ANO3: variants seen among roughly 807,000 people sequenced by gnomAD.
The protein encoded by ANO3 is anoctamin 3, also known as anoctamin-3.
In ANO3, 99 loss-of-function variants were observed where a neutral mutation model predicts 144.8. That is an observed-to-expected ratio of 0.68 (90% CI 0.58 to 0.81). The LOEUF (loss-of-function observed/expected upper bound fraction) is 0.81. ANO3 is among the 30% of genes least tolerant of loss of function. ANO3 has a pLI of 0.00. For missense variants in ANO3, 905 were observed against 1,202.2 expected (o/e 0.75, Z 3.66); for synonymous variants, 414 against 392.6 (o/e 1.05, Z -0.64).
At chr11:26,259,506 G>A (rs1853135060) in intron 1 of ANO3, among the ~76,000 whole-genome samples, 1 of 149,716 alleles carries the variant, frequency 6.7e-6, no homozygotes, top group Non-Finnish European at 1.5e-5. Context: ...AAATTAGCCT[G>A]GCATGGTGGT....
chr11:26,270,615 G>T (rs1213756761), intron 1 of ANO3, among the ~76,000 whole-genome samples: 3 of 152,086 alleles, frequency 2.0e-5, no homozygotes, highest in African/African-American at 7.2e-5. Context: ...CAGAAATTAG[G>T]TCTTTTAGAA....
At chr11:26,603,243 T>C (rs1046626799) in intron 17 of ANO3, among the ~76,000 whole-genome samples, 1 of 152,076 alleles carries the variant, frequency 6.6e-6, no homozygotes, top group African/African-American at 2.4e-5. Context: ...TAGATCAAAA[T>C]ATTTTCTAGA....
upstream of ANO3, chr11:26,331,941 T>A: frequency 2.2e-6 from 1 of 449,934 alleles, no homozygotes; most frequent in Non-Finnish European, 4.0e-6. Context: ...TTGCTCCGAT[T>A]TATATCTCCT....
intron 1 of ANO3, among the ~76,000 whole-genome samples, chr11:26,235,002 A>G (rs755633561): frequency 2.9e-5 from 4 of 140,158 alleles, no homozygotes; most frequent in Non-Finnish European, 3.1e-5. Context: ...AGAGAAAAGA[A>G]AGAGAGAGAG....
chr11:26,580,673 T>G (rs2132856226), intron 14 of ANO3, among the ~76,000 whole-genome samples: 1 of 152,300 alleles, frequency 6.6e-6, no homozygotes, highest in Middle Eastern at 3.4e-3. Context: ...TCAGACATAT[T>G]TAACTACACT....
chr11:26,277,718 T>C (rs1031467382), intron 1 of ANO3, among the ~76,000 whole-genome samples: 3 of 151,948 alleles, frequency 2.0e-5, no homozygotes, highest in African/African-American at 7.2e-5. Context: ...TAGATAATAA[T>C]TTTTTCTTGG....
intron 1 of ANO3, among the ~76,000 whole-genome samples, chr11:26,424,264 CACAT>C (rs542805409): frequency 0.12 from 17,634 of 149,300 alleles, 2,118 homozygotes; most frequent in African/African-American, 0.31. Context: ...CACACACACA[CACAT>C]ACACATAAAC....
chr11:26,510,426 GA>G (rs1047191279), intron 5 of ANO3, among the ~76,000 whole-genome samples: 1 of 151,018 alleles, frequency 6.6e-6, no homozygotes, highest in South Asian at 2.1e-4. Context: ...AGTACTTATT[GA>G]AAAAAAAATC....
intron 14 of ANO3, among the ~76,000 whole-genome samples, chr11:26,574,607 T>A (rs1393613628): frequency 6.6e-6 from 1 of 152,154 alleles, no homozygotes; most frequent in Non-Finnish European, 1.5e-5. Context: ...ATGATATTCT[T>A]TATAAATAAA....
At chr11:26,438,616 A>G (rs561667194) in intron 1 of ANO3, among the ~76,000 whole-genome samples, 1 of 148,626 alleles carries the variant, frequency 6.7e-6, no homozygotes, top group Non-Finnish European at 1.5e-5. Flanking sequence ...AAAGAAAAAA[A>G]AAAAAAAAGA....
chr11:26,273,492 T>C (rs1476137253), intron 1 of ANO3, among the ~76,000 whole-genome samples: 1 of 152,116 alleles, frequency 6.6e-6, no homozygotes, highest in East Asian at 1.9e-4. Flanking sequence ...GTCATTGTTG[T>C]TACAGGACAA....
intron 4 of ANO3, among the ~76,000 whole-genome samples, chr11:26,501,712 AC>A (rs1861202369): frequency 6.6e-6 from 1 of 152,144 alleles, no homozygotes; most frequent in East Asian, 1.9e-4. Flanking sequence ...CAGAACTATG[AC>A]CTCTTCTGAA....
intron 4 of ANO3, among the ~76,000 whole-genome samples, chr11:26,499,276 A>C (rs1861091586): frequency 1.3e-5 from 2 of 151,818 alleles, no homozygotes; most frequent in African/African-American, 2.4e-5. Context: ...TTTTAAATTT[A>C]CAAAGCTTTT....
intron 1 of ANO3, among the ~76,000 whole-genome samples, chr11:26,273,553 G>A (rs1853492935): frequency 6.6e-6 from 1 of 151,720 alleles, no homozygotes; most frequent in African/African-American, 2.4e-5. Flanking sequence ...AAAGAAAACT[G>A]AGCATGGATG....
Position 26,258,546 on chromosome 11 carries a change from AG to A in ANO3, c.155-51098del, listed in dbSNP as rs758564689. On this transcript the variant is annotated intron_variant, in intron 1 of 27. Transcript: ENST00000672621. ...CTCTGTATGTCTTGAAGTGCCTCAT[AG>A]TTGAATTAATTACTGTCACAACTGC... is the stretch of plus-strand genomic sequence containing the variant. Among the ~76,000 whole-genome samples the A allele has an allele frequency of 2.9e-3, 435 of 152,292 alleles. 4 individuals are homozygous for A. Among genetic ancestry groups the A allele is most frequent in the Non-Finnish European group, 2.5e-3 (170 of 67,992 alleles).
At chr11:26,333,303 G>C (rs1458361033) in intron 1 of ANO3, among the ~76,000 whole-genome samples, 1 of 143,876 alleles carries the variant, frequency 7.0e-6, no homozygotes, top group Non-Finnish European at 1.5e-5. Flanking sequence ...TTTTTTTGAG[G>C]TGGAGTCTCG....
At chr11:26,344,247 AT>A (rs1178950496) in intron 1 of ANO3, among the ~76,000 whole-genome samples, 2 of 152,176 alleles carry the variant, frequency 1.3e-5, no homozygotes, top group African/African-American at 4.8e-5. Context: ...TACTTTCACC[AT>A]TTTTTATGCA....
At chr11:26,211,215 G>A (rs117810194) in intron 1 of ANO3, among the ~76,000 whole-genome samples, 6,577 of 152,120 alleles carry the variant, frequency 0.043, 200 homozygotes, top group Middle Eastern at 0.065. Context: ...ACTCAAAACT[G>A]CACGACTACA....
In ANO3 at chr11:26,241,545, T is replaced by C. The variant is rs554495237; in HGVS notation, c.154+52215T>C. On this transcript the variant is annotated intron_variant, in intron 1 of 27. Coordinates refer to the ANO3 transcript ENST00000672621. ...CATTAGGAGCTTTTCCCATGTATGA[T>C]CTGACACATTTCTGCCTTTAAAGAA... is the stretch of plus-strand genomic sequence containing the variant. Among the ~76,000 whole-genome samples, 15 of 152,332 alleles carry C rather than the reference T, an allele frequency of 9.8e-5. No homozygotes were observed. In the South Asian group the frequency reaches 3.1e-3, roughly 32 times the overall value.
Sources: allele counts gnomAD v4.1 joint callset (sites outside exome capture counted in the v4.1 genomes callset), GRCh38; gene constraint gnomAD v4.1.1; transcripts MANE v1.5; gene names NCBI Gene and HGNC (gene_info 2026-07-23, HGNC 2026-07-21).